Variants in PPP1R1C observed in about 807,000 individuals in gnomAD.
The protein encoded by PPP1R1C is protein phosphatase 1 regulatory inhibitor subunit 1C.
In PPP1R1C, 15 loss-of-function variants were observed where a neutral mutation model predicts 17.4. The ratio of observed to expected loss-of-function variants is 0.86; its 90% CI spans 0.58 to 1.33. The LOEUF (loss-of-function observed/expected upper bound fraction) is 1.33. Ranked by LOEUF, PPP1R1C falls within the 40% of genes most tolerant of loss-of-function variation. The pLI is 0.00. For synonymous variants in PPP1R1C, 35 were observed against 43.1 expected, an observed-to-expected ratio of 0.81 and a Z score of 0.73; for missense variants, 143 against 130.0, an observed-to-expected ratio of 1.10 and a Z score of -0.48.
intron 4 of PPP1R1C, among the ~76,000 whole-genome samples, chr2:182,067,822 A>T (rs1219515019): frequency 6.6e-6 from 1 of 152,154 alleles, no homozygotes; most frequent in African/African-American, 2.4e-5. Flanking sequence ...CACAGGGGGA[A>T]GTTCATGTAA....
intron 2 of PPP1R1C, among the ~76,000 whole-genome samples, chr2:181,989,904 A>G (rs916076049): frequency 2.0e-5 from 3 of 152,220 alleles, no homozygotes; most frequent in African/African-American, 7.2e-5. Context: ...GTGCATGGCA[A>G]CTAGAGATTT....
chr2:182,004,007 G>A (rs1229633847), intron 2 of PPP1R1C, among the ~76,000 whole-genome samples: 4 of 152,072 alleles, frequency 2.6e-5, no homozygotes, highest in Admixed American at 2.6e-4. Context: ...ATTTTGGCTG[G>A]TTTTGAAGCA....
At chr2:182,096,986 G>C (rs977337659) in intron 4 of PPP1R1C, among the ~76,000 whole-genome samples, 48 of 152,160 alleles carry the variant, frequency 3.2e-4, no homozygotes, top group Non-Finnish European at 5.9e-5. Context: ...ACACAGAACA[G>C]ACTGGAATCC....
chr2:182,066,606 T>C (rs1191113773), intron 4 of PPP1R1C, among the ~76,000 whole-genome samples: 1 of 152,154 alleles, frequency 6.6e-6, no homozygotes, highest in Non-Finnish European at 1.5e-5. Flanking sequence ...TAAATTGTTG[T>C]ATTTCAGATG....
chr2:182,026,751 T>G (rs936138266), intron 2 of PPP1R1C, among the ~76,000 whole-genome samples: 6 of 151,602 alleles, frequency 4.0e-5, no homozygotes, highest in Admixed American at 6.6e-5. Context: ...GTGAAGAAAG[T>G]CATTGGTAGC....
rs548751758 is a variant in PPP1R1C, at chr2:182,061,362, C to T, written c.143-80C>T. 3.4e-4 allele frequency: 319 copies of T among 951,040 alleles called. 3 individuals are homozygous for T. The African/African-American group carries it at 4.5e-3, about 13-fold the overall frequency. 58.9% of individuals were successfully genotyped at this position (951,040 alleles called of 1,614,324 possible). A position where few individuals can be genotyped will look rare whatever the true frequency, so the allele number is the denominator to read the frequency against. On this transcript the variant is annotated intron_variant, in intron 2 of 4. Transcript: ENST00000682840. ...AGGCAATTATTAAATCATTTTTATC[C>T]GTGTTGTTGAAAATGTTAATATATA... is the stretch of plus-strand genomic sequence containing the variant.
intron 4 of PPP1R1C, among the ~76,000 whole-genome samples, chr2:182,110,777 G>A (rs1559097168): frequency 6.6e-6 from 1 of 152,068 alleles, no homozygotes; most frequent in Non-Finnish European, 1.5e-5. Flanking sequence ...TCAATCAATT[G>A]CAGTCAAGTC....
chr2:182,075,299 A>G (rs1688259482), intron 4 of PPP1R1C, among the ~76,000 whole-genome samples: 1 of 152,204 alleles, frequency 6.6e-6, no homozygotes, highest in East Asian at 1.9e-4. Context: ...CCATGCTTTC[A>G]TCCATGTAAT....
chr2:182,075,194 T>C (rs1039026250), intron 4 of PPP1R1C, among the ~76,000 whole-genome samples: 10 of 152,226 alleles, frequency 6.6e-5, no homozygotes, highest in Non-Finnish European at 1.2e-4. Context: ...CATTTTATTC[T>C]TTTTTATGTA....
chr2:181,968,016 G>A (rs989004000), intron 1 of PPP1R1C, among the ~76,000 whole-genome samples: 1 of 152,286 alleles, frequency 6.6e-6, no homozygotes, highest in South Asian at 2.1e-4. Context: ...TGCCCGGCCT[G>A]TTATCGATTT....
At chr2:181,959,144 G>C (rs1329693578) in intron 1 of PPP1R1C, among the ~76,000 whole-genome samples, 1 of 152,160 alleles carries the variant, frequency 6.6e-6, no homozygotes, top group Non-Finnish European at 1.5e-5. Context: ...ATACTTGGGA[G>C]CCTCAGTCTG....
At chr2:182,034,896 A>G (rs1389312117) in intron 2 of PPP1R1C, among the ~76,000 whole-genome samples, 1 of 152,216 alleles carries the variant, frequency 6.6e-6, no homozygotes, top group Non-Finnish European at 1.5e-5. Flanking sequence ...TAGGAATACA[A>G]TGAATGTTTT....
At chr2:182,083,791 T>C (rs1254041914) in intron 4 of PPP1R1C, among the ~76,000 whole-genome samples, 1 of 152,162 alleles carries the variant, frequency 6.6e-6, no homozygotes, top group Non-Finnish European at 1.5e-5. Flanking sequence ...ATCAGTGAGA[T>C]TGCTAGATCA....
intron 2 of PPP1R1C, among the ~76,000 whole-genome samples, chr2:181,993,720 G>A (rs1468448647): frequency 2.0e-5 from 3 of 152,108 alleles, no homozygotes; most frequent in Admixed American, 6.5e-5. Flanking sequence ...GTGGCTTTCA[G>A]TGATTCATGT....
chr2:182,120,309 C>G (rs1014718259), downstream of PPP1R1C, among the ~76,000 whole-genome samples: 1 of 152,022 alleles, frequency 6.6e-6, no homozygotes, highest in Non-Finnish European at 1.5e-5. Flanking sequence ...TTACTGTAGC[C>G]TTGTAGCTGA....
intron 4 of PPP1R1C, among the ~76,000 whole-genome samples, chr2:182,100,058 A>T (rs1308151638): frequency 6.6e-6 from 1 of 152,208 alleles, no homozygotes; most frequent in Non-Finnish European, 1.5e-5. Flanking sequence ...ACGTAACTTG[A>T]AAGATACTCC....
In PPP1R1C at chr2:182,129,636, G is replaced by T. The variant is rs1356032943; in HGVS notation, c.*669G>T. On this transcript the variant is annotated 3_prime_UTR_variant, in exon 6 of 6. Coordinates refer to the PPP1R1C transcript ENST00000280295. ...CACATTAATTATGTATGACAGGTAG[G>T]ATTTATGTTATAGATAAGAAAACTA... The T allele has an allele frequency of 2.0e-5, 3 of 152,002 alleles. No individual in the cohort carries two copies. In the East Asian group the frequency reaches 5.8e-4, roughly 29 times the overall value. The allele number at this position is 152,002 out of a possible 1,614,324, so 9.4% of individuals were successfully genotyped here.
At chr2:181,980,034 C>T (rs1685165663) in intron 2 of PPP1R1C, among the ~76,000 whole-genome samples, 1 of 152,128 alleles carries the variant, frequency 6.6e-6, no homozygotes, top group African/African-American at 2.4e-5. Context: ...GTCACCAGCT[C>T]TATGGTGCTT....
rs1213392510 is a variant in PPP1R1C at position 182,007,719 on chromosome 2, G to GTT, written c.142+19821_142+19822insTT. 3.3e-5 allele frequency among the ~76,000 whole-genome samples: 5 copies of GTT among 152,164 alleles called. No individual in the cohort carries two copies. In the East Asian group the frequency reaches 9.6e-4, roughly 29 times the overall value. Reference sequence around the variant, plus strand: ...GTTTTATCTGGACCTATCAAAAAATGTAAGGCCTGAAAATTTTCAGTGCAT... The same window carrying GTT: ...GTTTTATCTGGACCTATCAAAAAATGTTTAAGGCCTGAAAATTTTCAGTGCAT... On this transcript the variant is annotated intron_variant, in intron 2 of 4. Transcript: ENST00000682840.
Sources: allele counts gnomAD v4.1 joint callset (sites outside exome capture counted in the v4.1 genomes callset), GRCh38; gene constraint gnomAD v4.1.1; transcripts MANE v1.5; gene names NCBI Gene and HGNC (gene_info 2026-07-23, HGNC 2026-07-21).